SRL: variants seen among roughly 807,000 people sequenced by gnomAD.
SRL encodes sarcalumenin.
In SRL, 23 loss-of-function variants were observed where a neutral mutation model predicts 39.5. The observed-to-expected ratio is 0.58, with a 90% CI of 0.42 to 0.82. The LOEUF (loss-of-function observed/expected upper bound fraction) is 0.82, where lower values mean the gene tolerates loss of function less well. Ranked by LOEUF, SRL falls within the 40% of genes least tolerant of loss-of-function variation. The probability of loss-of-function intolerance (pLI) is 0.00; values close to 1 mark genes in which losing one functional copy is unlikely to be tolerated. For synonymous variants in SRL, 272 were observed against 237.4 expected (o/e 1.15, Z -1.34); for missense variants, 592 against 607.8 (o/e 0.97, Z 0.27).
At chr16:4,199,782 T>G (rs1052348503) in intron 3 of SRL, among the ~76,000 whole-genome samples, 11 of 145,794 alleles carry the variant, frequency 7.5e-5, no homozygotes, top group African/African-American at 2.5e-4. Context: ...CTGCAGCCTC[T>G]GCCTCCTGGG....
At chr16:4,234,455 CA>C (rs1418001650) in intron 1 of SRL, among the ~76,000 whole-genome samples, 1 of 152,186 alleles carries the variant, frequency 6.6e-6, no homozygotes, top group African/African-American at 2.4e-5. Flanking sequence ...GGCATGTCCC[CA>C]AGGTAGGGGG....
intron 1 of SRL, among the ~76,000 whole-genome samples, chr16:4,213,651 T>A (rs369621113): frequency 2.6e-4 from 39 of 152,086 alleles, no homozygotes; most frequent in African/African-American, 8.7e-4. Flanking sequence ...CCTCAAGCGA[T>A]CCTCCCACCT....
At chr16:4,201,848 G>T (rs1227678216) in intron 3 of SRL, among the ~76,000 whole-genome samples, 1 of 149,300 alleles carries the variant, frequency 6.7e-6, no homozygotes, top group African/African-American at 2.5e-5. Flanking sequence ...TAGAAACGGG[G>T]TTTCACCATG....
chr16:4,203,479 C>G (rs988454856), intron 2 of SRL, among the ~76,000 whole-genome samples: 2 of 152,164 alleles, frequency 1.3e-5, no homozygotes, highest in Non-Finnish European at 2.9e-5. Flanking sequence ...ATTCTCCTAC[C>G]CACCCCCAAA....
At position 4,189,440 on chromosome 16, in the gene SRL, T is replaced by C. The variant is rs2052034786; in HGVS notation, c.*2713A>G. ...AACCAAAAGAACACTGGAAAGGTTC[T>C]GCCACTGTCCAGGCACAGATCCTTC... On this transcript the variant is annotated 3_prime_UTR_variant, in exon 6 of 6. Transcript: ENST00000399609. The C allele has an allele frequency of 6.6e-6, 1 of 152,200 alleles. No homozygotes were observed. The highest frequency in any genetic ancestry group is 1.9e-4 in the East Asian group (1 of 5,196). 9.4% of individuals were successfully genotyped at this position (152,200 alleles called of 1,614,324 possible). A position where few individuals can be genotyped will look rare whatever the true frequency, so the allele number is the denominator to read the frequency against.
intron 1 of SRL, among the ~76,000 whole-genome samples, chr16:4,217,164 T>C (rs1301021189): frequency 2.0e-5 from 3 of 152,200 alleles, no homozygotes; most frequent in Non-Finnish European, 4.4e-5. Context: ...CTTTTCTTTC[T>C]TCCTGGGGCT....
At chr16:4,202,844 G>C (rs1014205037) in intron 3 of SRL, among the ~76,000 whole-genome samples, 5 of 152,152 alleles carry the variant, frequency 3.3e-5, no homozygotes, top group African/African-American at 1.2e-4. Flanking sequence ...GCACAGGAGG[G>C]ATTGAAATAG....
At chr16:4,193,053 T>G (rs2052090359) in intron 5 of SRL, 89 bp from the exon 6 acceptor site, 12 of 1,167,166 alleles carry the variant, frequency 1.0e-5, no homozygotes, top group South Asian at 1.5e-5. Flanking sequence ...TTCTGGGGGT[T>G]GAAAGAAGGA....
chr16:4,229,234 G>A (rs112285088), intron 1 of SRL, among the ~76,000 whole-genome samples: 2 of 152,168 alleles, frequency 1.3e-5, no homozygotes, highest in African/African-American at 4.8e-5. Flanking sequence ...ACAAGGACAG[G>A]AGATCGAGAC....
chr16:4,222,107 C>A lies in SRL; in HGVS notation c.62-17473G>T, dbSNP rs9930832. On this transcript the variant is annotated intron_variant, in intron 1 of 5. Coordinates refer to ENST00000399609, the MANE Select transcript of SRL (RefSeq NM_001098814.2). Reference sequence around the variant, plus strand: ...ATAACAGGTCCCCCAATAGCCCACACCACCACCTGCCTAACCCACTGCCAC... The same window carrying A: ...ATAACAGGTCCCCCAATAGCCCACAACACCACCTGCCTAACCCACTGCCAC... 3.4e-3 allele frequency among the ~76,000 whole-genome samples: 519 copies of A among 152,320 alleles called. 5 individuals carry two copies. Among genetic ancestry groups the A allele is most frequent in the African/African-American group, 0.012 (498 of 41,560 alleles).
intron 1 of SRL, among the ~76,000 whole-genome samples, chr16:4,217,368 C>T (rs1296284515): frequency 6.6e-6 from 1 of 152,222 alleles, no homozygotes; most frequent in Non-Finnish European, 1.5e-5. Context: ...TGTCACACTT[C>T]AGCCTCCAGA....
chr16:4,201,324 T>A (rs945084524), intron 3 of SRL, among the ~76,000 whole-genome samples: 9 of 152,142 alleles, frequency 5.9e-5, no homozygotes, highest in African/African-American at 2.2e-4. Context: ...TCACCCAGGC[T>A]GGAGTGCAGT....
chr16:4,206,736 C>A (rs960252454), intron 1 of SRL: 1 of 438,296 alleles, frequency 2.3e-6, no homozygotes, highest in Non-Finnish European at 4.5e-6. Flanking sequence ...CCCTGGGCAA[C>A]AATGATGGGA....
At chr16:4,223,277 G>C (rs2052551142) in intron 1 of SRL, among the ~76,000 whole-genome samples, 1 of 151,104 alleles carries the variant, frequency 6.6e-6, no homozygotes, top group Non-Finnish European at 1.5e-5. Flanking sequence ...AACGTTTGGG[G>C]CTCGATGATT....
At position 4,230,381 on chromosome 16, in the gene SRL, ATT is replaced by A. The variant is rs5815199; in HGVS notation, c.61+11624_61+11625del. 3.9e-3 allele frequency among the ~76,000 whole-genome samples: 536 copies of A among 138,752 alleles called. 2 individuals carry two copies. Among genetic ancestry groups the A allele is most frequent in the South Asian group, 0.017 (74 of 4,238 alleles). 91.0% of individuals were successfully genotyped at this position (138,752 alleles called of 152,430 possible). ...TATCCACCTAGAACCTCAGAATGTG[ATT>A]TTTTTTTTTTTTTTTGAGACAGAGT... On this transcript the variant is annotated intron_variant, in intron 1 of 5. Coordinates refer to ENST00000399609, the MANE Select transcript of SRL (RefSeq NM_001098814.2).
At chr16:4,226,055 A>G (rs1291717) in intron 1 of SRL, among the ~76,000 whole-genome samples, 122,703 of 151,946 alleles carry the variant, frequency 0.81, 49,965 homozygotes, top group Non-Finnish European at 0.86. Flanking sequence ...TGTCTGACTC[A>G]CTCCTTCCTC....
intron 1 of SRL, among the ~76,000 whole-genome samples, chr16:4,214,807 G>A (rs866887072): frequency 2.0e-4 from 30 of 148,100 alleles, no homozygotes; most frequent in African/African-American, 7.0e-4. Flanking sequence ...TCATTCTGTC[G>A]CCCAGGGTGG....
intron 1 of SRL, among the ~76,000 whole-genome samples, chr16:4,211,279 C>G (rs1255128880): frequency 6.6e-6 from 1 of 152,210 alleles, no homozygotes; most frequent in African/African-American, 2.4e-5. Flanking sequence ...GCAGGCCCAC[C>G]CCACTAAGGA....
At chr16:4,193,973 A>G (rs2052100264) in intron 5 of SRL, among the ~76,000 whole-genome samples, 2 of 151,170 alleles carry the variant, frequency 1.3e-5, no homozygotes, top group African/African-American at 4.9e-5. Flanking sequence ...TACTACTAAT[A>G]TTATTAATTG....
Sources: gnomAD v4.1 joint callset for allele counts (sites outside exome capture counted in the v4.1 genomes callset) on GRCh38, gnomAD v4.1.1 for gene constraint, MANE v1.5 for transcripts, NCBI Gene and HGNC (gene_info 2026-07-23, HGNC 2026-07-21) for gene names.